Variants in GYS2 observed in about 807,000 individuals in gnomAD.
GYS2 encodes glycogen synthase 2.
Under a neutral mutation model 85.6 loss-of-function variants are expected in GYS2, and 80 were observed. The observed-to-expected ratio is 0.93, with a 90% CI of 0.78 to 1.13. The LOEUF (loss-of-function observed/expected upper bound fraction) is 1.13, where lower values mean the gene tolerates loss of function less well. Ranked by LOEUF, GYS2 falls within the 50% of genes most tolerant of loss-of-function variation. GYS2 has a pLI of 0.00. For synonymous variants in GYS2, 328 were observed against 300.7 expected (o/e 1.09, Z -0.94); for missense variants, 881 against 854.9 (o/e 1.03, Z -0.38).
intron 2 of GYS2, among the ~76,000 whole-genome samples, chr12:21,579,289 T>C (rs2136911491): frequency 6.6e-6 from 1 of 152,196 alleles, no homozygotes; most frequent in South Asian, 2.1e-4. Context: ...AAAATCAGTG[T>C]GTTGACAGAG....
At chr12:21,546,288 TA>T in intron 12 of GYS2, 55 bp downstream of exon 12, 1 of 1,247,276 alleles carries the variant, frequency 8.0e-7, no homozygotes, top group Non-Finnish European at 1.2e-6. Context: ...TATATGCACA[TA>T]AAATAATATA....
chr12:21,602,844 T>G (rs1414051343), intron 1 of GYS2, among the ~76,000 whole-genome samples: 1 of 152,044 alleles, frequency 6.6e-6, no homozygotes, highest in African/African-American at 2.4e-5. Context: ...CCATTAATGT[T>G]TGTTAAATGA....
At chr12:21,553,440 T>C (rs553595551) in intron 11 of GYS2, among the ~76,000 whole-genome samples, 16 of 152,352 alleles carry the variant, frequency 1.1e-4, no homozygotes, top group African/African-American at 3.6e-4. Flanking sequence ...CCCAGGAATC[T>C]TGACTGACAG....
chr12:21,604,471 C>T lies in GYS2; in HGVS notation c.121+1G>A, dbSNP rs1221666033. On this transcript the variant is annotated splice_donor_variant, in intron 1 of 15. Coordinates refer to ENST00000261195, the MANE Select transcript of GYS2 (RefSeq NM_021957.4). LOFTEE classifies it high-confidence loss of function. ...GATCCACCTTCAGGAGCAGTACAAA[C>T]CTTTATTGGTCACTTCCCAAGCAAC... 3 of 1,594,050 alleles carry T rather than the reference C, an allele frequency of 1.9e-6. No individual in the cohort carries two copies. The highest frequency in any genetic ancestry group is 2.6e-6 in the Non-Finnish European group (3 of 1,162,304).
chr12:21,600,177 TG>T (rs1195216079), intron 1 of GYS2, among the ~76,000 whole-genome samples: 1 of 152,102 alleles, frequency 6.6e-6, no homozygotes, highest in Non-Finnish European at 1.5e-5. Flanking sequence ...TGGAGTGCAA[TG>T]GTGCAATCTT....
chr12:21,577,266 CTG>C (rs1555158640), intron 2 of GYS2, among the ~76,000 whole-genome samples: 1 of 152,194 alleles, frequency 6.6e-6, no homozygotes, highest in Non-Finnish European at 1.5e-5. Context: ...TATTTATACA[CTG>C]TGAATAACAT....
Position 21,558,203 on chromosome 12 carries a change from G to C in GYS2, c.1419C>G (p.Val473=), listed in dbSNP as rs754156427. 1.9e-6 allele frequency: 3 copies of C among 1,573,658 alleles called. No individual in the cohort carries two copies. The highest frequency in any genetic ancestry group is 2.2e-5 in the East Asian group (1 of 44,654). Residue 473 remains valine (V), a synonymous_variant, in exon 11 of 16, where the codon GTC becomes GTG. Coordinates refer to ENST00000261195, the MANE Select transcript of GYS2 (RefSeq NM_021957.4). ...IGLFNNRTDR[V]KVILHPEFLS... is the part of the protein sequence containing the mutation. ...CCACATGAACAATTTGTTCTACCTT[G>C]ACTCTATCTGTGCGGTTGTTGAAAA... is the stretch of plus-strand genomic sequence containing the variant.
chr12:21,584,687 C>G (rs1296749754), intron 1 of GYS2, among the ~76,000 whole-genome samples: 1 of 152,196 alleles, frequency 6.6e-6, no homozygotes, highest in East Asian at 1.9e-4. Context: ...TTATATTGGA[C>G]CTCTTCCATC....
intron 3 of GYS2, among the ~76,000 whole-genome samples, chr12:21,574,547 A>G (rs2136903963): frequency 6.6e-6 from 1 of 152,290 alleles, no homozygotes; most frequent in South Asian, 2.1e-4. Context: ...TCAGTGATGG[A>G]GCAGATTTTT....
rs975935766 is a variant in GYS2 at position 21,539,282 on chromosome 12, A to G, written c.1866T>C (p.His622=). ...CCGTTGGTGGTGATGTTAGTTCCAC[A>G]TGGAATTTATCTGGAAAAGCTCTGC... is the stretch of plus-strand genomic sequence containing the variant. ...TLSRAFPDKF[H]VELTSPPTTE... The change falls in exon 15 of 16, where the codon CAT becomes CAC. Residue 622 remains histidine (H), a synonymous_variant. Coordinates refer to ENST00000261195, the MANE Select transcript of GYS2 (RefSeq NM_021957.4). 6.3e-6 allele frequency: 10 copies of G among 1,599,028 alleles called. No individual in the cohort carries two copies. The highest frequency in any genetic ancestry group is 1.7e-5 in the Admixed American group (1 of 59,998).
At chr12:21,588,676 A>G (rs1356732586) in intron 1 of GYS2, among the ~76,000 whole-genome samples, 1 of 152,244 alleles carries the variant, frequency 6.6e-6, no homozygotes, top group Non-Finnish European at 1.5e-5. Flanking sequence ...TGAGGACAGA[A>G]TAGAACACAT....
downstream of GYS2, chr12:21,534,988 G>A (rs894876130): frequency 3.3e-5 from 5 of 152,216 alleles, no homozygotes; most frequent in East Asian, 1.9e-4. Context: ...AGCTTTTGTC[G>A]GTCTTGGGGA....
chr12:21,593,148 C>A (rs1211255747), intron 1 of GYS2, among the ~76,000 whole-genome samples: 1 of 151,558 alleles, frequency 6.6e-6, no homozygotes, highest in African/African-American at 2.4e-5. Flanking sequence ...AAGAGAGAAG[C>A]TTATCAATAA....
chr12:21,533,880 A>G (rs1591771499), downstream of GYS2, among the ~76,000 whole-genome samples: 1 of 152,228 alleles, frequency 6.6e-6, no homozygotes, highest in East Asian at 1.9e-4. Context: ...TGTCAACAGA[A>G]TCAGTGTCTG....
In GYS2 at chr12:21,559,651, C is replaced by G. The variant is rs1565598904; in HGVS notation, c.1229G>C (p.Arg410Thr). The change falls in exon 9 of 16, where the codon AGA becomes ACA. Residue 410 changes from arginine to threonine, a missense_variant and splice_region_variant. Transcript: ENST00000261195. ...AGTAGAAAGCATTTCAAGCACCTAC[C>G]TTAATAATGCATCATAGAGTTTTTT... ...FGKKLYDALL[R>T]GEIPDLNDIL... 2.0e-6 allele frequency: 3 copies of G among 1,524,118 alleles called. No individual in the cohort carries two copies. Among genetic ancestry groups the G allele is most frequent in the Non-Finnish European group, 2.7e-6 (3 of 1,097,792 alleles). 94.4% of individuals were successfully genotyped at this position (1,524,118 alleles called of 1,614,324 possible).
chr12:21,580,249 G>T, intron 2 of GYS2, 93 bp downstream of exon 2: 2 of 1,144,024 alleles, frequency 1.7e-6, no homozygotes, highest in Non-Finnish European at 2.6e-6. Flanking sequence ...CCTTAAGTAA[G>T]TGAATGGTCT....
At chr12:21,542,430 G>A in intron 13 of GYS2, 66 bp downstream of exon 13, 1 of 920,252 alleles carries the variant, frequency 1.1e-6, no homozygotes. Flanking sequence ...GCTCTGTAAA[G>A]ACCCTGTGCT....
intron 1 of GYS2, among the ~76,000 whole-genome samples, chr12:21,588,211 C>G (rs1315108999): frequency 6.6e-6 from 1 of 152,218 alleles, no homozygotes; most frequent in African/African-American, 2.4e-5. Flanking sequence ...TCACTGCTGT[C>G]TTTCAAAACA....
Position 21,580,611 on chromosome 12 carries a change from A to G in GYS2, c.122-88T>C, listed in dbSNP as rs192014954. On this transcript the variant is annotated intron_variant, in intron 1 of 15. Transcript: ENST00000261195. ...GATGGAAATGAGTTCAGATTTTTAA[A>G]TTAGCATTTAGGATCCACTAAGCCC... 5.2e-4 allele frequency: 514 copies of G among 986,630 alleles called. 1 individual carries two copies. The highest frequency in any genetic ancestry group is 7.0e-4 in the Non-Finnish European group (433 of 620,246). The allele number at this position is 986,630 out of a possible 1,614,324, so 61.1% of individuals were successfully genotyped here. A position where few individuals can be genotyped will look rare whatever the true frequency, so the allele number is the denominator to read the frequency against.
Sources: allele counts gnomAD v4.1 joint callset (sites outside exome capture counted in the v4.1 genomes callset), GRCh38; gene constraint gnomAD v4.1.1; transcripts MANE v1.5; gene names NCBI Gene and HGNC (gene_info 2026-07-23, HGNC 2026-07-21).